The following CRTC3 variants were observed in gnomAD, a reference collection of about 807,000 sequenced individuals.
CRTC3 encodes CREB-regulated transcription coactivator 3.
In CRTC3, 26 loss-of-function variants were observed where a neutral mutation model predicts 74.5. The observed-to-expected ratio is 0.35, with a 90% CI of 0.26 to 0.48. CRTC3 has a LOEUF of 0.48. Ranked by LOEUF, CRTC3 falls within the 20% of genes least tolerant of loss-of-function variation. The probability of loss-of-function intolerance (pLI) is 0.99; values close to 1 mark genes in which losing one functional copy is unlikely to be tolerated. For synonymous variants in CRTC3, 377 were observed against 325.8 expected (o/e 1.16, Z -1.69); for missense variants, 760 against 787.3 (o/e 0.97, Z 0.41).
intron 3 of CRTC3, 47 bp from the exon 4 acceptor site, chr15:90,602,277 C>G: frequency 1.7e-6 from 2 of 1,166,396 alleles, no homozygotes; most frequent in Non-Finnish European, 2.6e-6. Context: ...GTTAATTCTG[C>G]TTCATCTTTC....
rs147695497 is a variant in CRTC3 at position 90,592,837 on chromosome 15, C to T, written c.232-799C>T. 4.6e-5 allele frequency among the ~76,000 whole-genome samples: 7 copies of T among 152,240 alleles called. No homozygotes were observed. The East Asian group carries it at 1.2e-3, about 25-fold the overall frequency. ...GCTCAACTTGAGCCTGAGATGAGTG[C>T]GGCTCATTGTGGCCAAGATATTTTG... On this transcript the variant is annotated intron_variant, in intron 2 of 14. Transcript: ENST00000268184.
intron 10 of CRTC3, 52 bp from the exon 11 acceptor site, chr15:90,629,182 C>G (rs376838097): frequency 6.5e-7 from 1 of 1,545,704 alleles, no homozygotes; most frequent in Non-Finnish European, 8.8e-7. Context: ...TTTTGGAATA[C>G]AAAAGATTTG....
At chr15:90,625,712 C>A in intron 9 of CRTC3, 64 bp from the exon 10 acceptor site, 3 of 1,413,070 alleles carry the variant, frequency 2.1e-6, no homozygotes, top group Non-Finnish European at 2.0e-6. Context: ...AGGTTTCAGC[C>A]ATGTTTGGTT....
At position 90,618,966 on chromosome 15, in the gene CRTC3, G is replaced by T. The variant is rs150500301; in HGVS notation, c.700-775G>T. Among the ~76,000 whole-genome samples, 27 of 152,228 alleles carry T rather than the reference G, an allele frequency of 1.8e-4. No homozygotes were observed. In the East Asian group the frequency reaches 5.0e-3, roughly 28 times the overall value. ...GTGTGCCCTCCTCCCTGAGTACCAGGGACTGGTCTCTGGAAAGAGATGTTC... is the reference window on the plus strand; with the variant it reads ...GTGTGCCCTCCTCCCTGAGTACCAGTGACTGGTCTCTGGAAAGAGATGTTC... On this transcript the variant is annotated intron_variant, in intron 8 of 14. Transcript: ENST00000268184.
chr15:90,631,517 T>G (rs1049942074), intron 11 of CRTC3, among the ~76,000 whole-genome samples: 1 of 151,872 alleles, frequency 6.6e-6, no homozygotes, highest in African/African-American at 2.4e-5. Context: ...CACTTGAGGG[T>G]AGGAGTTTGA....
Position 90,630,756 on chromosome 15 carries a change from A to ATTTTTTT in CRTC3, c.1266+1250_1266+1256dup, listed in dbSNP as rs1175467073. Among the ~76,000 whole-genome samples the ATTTTTTT allele has an allele frequency of 1.4e-3, 32 of 23,644 alleles. 6 individuals are homozygous for ATTTTTTT. The highest frequency in any genetic ancestry group is 1.8e-3 in the African/African-American group (17 of 9,422). The allele number at this position is 23,644 out of a possible 152,430, so 15.5% of individuals were successfully genotyped here. Reference sequence around the variant, plus strand: ...CACATCCTCTGTCTATTACAGCATCATTTTTTTTTTTTTTTTTTTTTTTTT... The same window carrying ATTTTTTT: ...CACATCCTCTGTCTATTACAGCATCATTTTTTTTTTTTTTTTTTTTTTTTTTTTTTTT... On this transcript the variant is annotated intron_variant, in intron 11 of 14. Coordinates refer to ENST00000268184, the MANE Select transcript of CRTC3 (RefSeq NM_022769.5).
Position 90,638,595 on chromosome 15 carries a change from C to A in CRTC3, c.1416C>A (p.Pro472=), listed in dbSNP as rs773920361. The A allele has an allele frequency of 6.8e-6, 11 of 1,613,170 alleles. No homozygotes were observed. The highest frequency in any genetic ancestry group is 9.3e-6 in the Non-Finnish European group (11 of 1,179,990). Residue 472 remains proline (P), a synonymous_variant, in exon 12 of 15, where the codon CCC becomes CCA. Transcript: ENST00000268184. ...PRAPEAPAQQ[P]QAASSLPQSD... is the part of the protein sequence containing the mutation. ...CCCCTGAGGCCCCTGCCCAGCAGCCCCAGGCAGCCTCCTCACTGCCACAGT... is the reference window on the plus strand; with the variant it reads ...CCCCTGAGGCCCCTGCCCAGCAGCCACAGGCAGCCTCCTCACTGCCACAGT...
chr15:90,574,923 T>C (rs1411880765), intron 2 of CRTC3, among the ~76,000 whole-genome samples: 1 of 152,272 alleles, frequency 6.6e-6, no homozygotes, highest in South Asian at 2.1e-4. Context: ...TTAGGAGTTT[T>C]TATATATTAG....
intron 2 of CRTC3, among the ~76,000 whole-genome samples, chr15:90,569,376 G>A (rs1297283380): frequency 6.8e-6 from 1 of 148,068 alleles, no homozygotes; most frequent in East Asian, 2.0e-4. Context: ...CCGAAGTGCA[G>A]TGGTGTGATC....
chr15:90,580,345 T>C (rs1967507876), intron 2 of CRTC3, among the ~76,000 whole-genome samples: 1 of 152,048 alleles, frequency 6.6e-6, no homozygotes, highest in Non-Finnish European at 1.5e-5. Context: ...TTCCCTCCCC[T>C]GTCTGTAGGC....
At chr15:90,597,787 C>G (rs1338088217) in intron 3 of CRTC3, 2 of 152,216 alleles carry the variant, frequency 1.3e-5, no homozygotes, top group Non-Finnish European at 2.9e-5. Context: ...TCTGACTTCA[C>G]AATACCACAT....
At chr15:90,574,664 G>A (rs545062193) in intron 2 of CRTC3, among the ~76,000 whole-genome samples, 1 of 152,112 alleles carries the variant, frequency 6.6e-6, no homozygotes, top group Admixed American at 6.5e-5. Flanking sequence ...ATTCCTCTCT[G>A]CTGTATATGA....
At chr15:90,560,756 A>G (rs1289402308) in intron 2 of CRTC3, among the ~76,000 whole-genome samples, 1 of 152,170 alleles carries the variant, frequency 6.6e-6, no homozygotes, top group African/African-American at 2.4e-5. Context: ...TCTGAACAAT[A>G]AAAGTCCTGG....
At chr15:90,539,277 G>C (rs1966767241) in intron 1 of CRTC3, among the ~76,000 whole-genome samples, 1 of 152,156 alleles carries the variant, frequency 6.6e-6, no homozygotes, top group Non-Finnish European at 1.5e-5. Flanking sequence ...GAAAAATGAA[G>C]TAAGGAAGAA....
intron 11 of CRTC3, among the ~76,000 whole-genome samples, chr15:90,635,478 C>G (rs997485123): frequency 1.3e-5 from 2 of 152,110 alleles, no homozygotes; most frequent in East Asian, 3.9e-4. Context: ...AACCCCGTCT[C>G]TACTAAAAAT....
At chr15:90,549,304 G>A (rs28603283) in intron 2 of CRTC3, among the ~76,000 whole-genome samples, 2 of 140,180 alleles carry the variant, frequency 1.4e-5, no homozygotes, top group African/African-American at 5.3e-5. Context: ...GTGTGTGTGT[G>A]TATGTGTGTG....
rs1220266099 is a variant in CRTC3, at chr15:90,588,309, C to G, written c.232-5327C>G. Among the ~76,000 whole-genome samples, 5 of 151,602 alleles carry G rather than the reference C, an allele frequency of 3.3e-5. No individual in the cohort carries two copies. In the East Asian group the frequency reaches 9.7e-4, roughly 30 times the overall value. On this transcript the variant is annotated intron_variant, in intron 2 of 14. Coordinates refer to ENST00000268184, the MANE Select transcript of CRTC3 (RefSeq NM_022769.5). ...TGGGACTCTCTATTTCATTCAGTCT[C>G]TCTCTGTCATCACTACCATATTAGC... is the stretch of plus-strand genomic sequence containing the variant.
chr15:90,619,959 T>C, intron 9 of CRTC3, 169 bp downstream of exon 9: 1 of 619,990 alleles, frequency 1.6e-6, no homozygotes, highest in South Asian at 2.0e-5. Flanking sequence ...TCATATTTCA[T>C]CTGTTTAAAC....
intron 2 of CRTC3, among the ~76,000 whole-genome samples, chr15:90,550,027 TTTA>T (rs1408773356): frequency 6.6e-6 from 1 of 151,642 alleles, no homozygotes; most frequent in Non-Finnish European, 1.5e-5. Context: ...TTAAAAAAGT[TTTA>T]TTAGTGAAAA....
Sources: gnomAD v4.1 joint callset for allele counts (sites outside exome capture counted in the v4.1 genomes callset) on GRCh38, gnomAD v4.1.1 for gene constraint, MANE v1.5 for transcripts, NCBI Gene and HGNC (gene_info 2026-07-23, HGNC 2026-07-21) for gene names.